RIMS2: variants seen among roughly 807,000 people sequenced by gnomAD.
The protein encoded by RIMS2 is regulating synaptic membrane exocytosis 2, also known as regulating synaptic membrane exocytosis protein 2.
A neutral mutation model predicts 174.4 loss-of-function variants in RIMS2; 59 were observed. The ratio of observed to expected loss-of-function variants is 0.34; its 90% CI spans 0.27 to 0.42. RIMS2 has a LOEUF of 0.42. Ranked by LOEUF, RIMS2 falls within the 10% of genes least tolerant of loss-of-function variation. The pLI, the probability that RIMS2 is intolerant of heterozygous loss-of-function variation, is 1.00. For synonymous variants in RIMS2, 606 were observed against 572.5 expected, an observed-to-expected ratio of 1.06 and a Z score of -0.84; for missense variants, 1,620 against 1,666.3, an observed-to-expected ratio of 0.97 and a Z score of 0.48.
intron 3 of RIMS2, among the ~76,000 whole-genome samples, chr8:103,844,835 T>G (rs2098959390): frequency 6.6e-6 from 1 of 152,040 alleles, no homozygotes; most frequent in African/African-American, 2.4e-5. Context: ...CCCTATTACC[T>G]TTTTCTTCTA....
intron 2 of RIMS2, among the ~76,000 whole-genome samples, chr8:103,763,180 G>A (rs1025476365): frequency 6.6e-6 from 1 of 152,290 alleles, no homozygotes; most frequent in East Asian, 1.9e-4. Context: ...GCTCACATCT[G>A]TAATCCTAGC....
At chr8:103,523,988 A>C (rs1388218144) in intron 1 of RIMS2, among the ~76,000 whole-genome samples, 1 of 152,188 alleles carries the variant, frequency 6.6e-6, no homozygotes, top group African/African-American at 2.4e-5. Flanking sequence ...TGCTACCCAA[A>C]AAATGAATTG....
chr8:104,131,082 A>G (rs1250445879), intron 19 of RIMS2, among the ~76,000 whole-genome samples: 3 of 152,238 alleles, frequency 2.0e-5, no homozygotes, highest in African/African-American at 7.2e-5. Flanking sequence ...AATTTTACCT[A>G]TAAAATATTA....
chr8:103,950,482 T>C (rs1212855751), intron 14 of RIMS2, among the ~76,000 whole-genome samples: 1 of 151,926 alleles, frequency 6.6e-6, no homozygotes, highest in Non-Finnish European at 1.5e-5. Flanking sequence ...TGTTTAACAT[T>C]TGAAAAACAG....
chr8:103,783,899 C>T (rs1161411461), intron 3 of RIMS2, among the ~76,000 whole-genome samples: 5 of 152,048 alleles, frequency 3.3e-5, no homozygotes, highest in South Asian at 2.1e-4. Context: ...GTAAAAGTGT[C>T]CCTATTTCTC....
chr8:104,225,096 T>A (rs975193326), intron 19 of RIMS2, among the ~76,000 whole-genome samples: 3 of 152,244 alleles, frequency 2.0e-5, no homozygotes, highest in Admixed American at 2.0e-4. Context: ...AAATGAATGA[T>A]CATAATTGTA....
intron 4 of RIMS2, among the ~76,000 whole-genome samples, chr8:103,894,645 G>C (rs1358782193): frequency 6.6e-6 from 1 of 151,422 alleles, no homozygotes; most frequent in Admixed American, 6.6e-5. Context: ...TTCAATGATA[G>C]GAAACACTAA....
At chr8:104,209,973 A>G (rs1369789599) in intron 19 of RIMS2, among the ~76,000 whole-genome samples, 1 of 152,200 alleles carries the variant, frequency 6.6e-6, no homozygotes, top group East Asian at 1.9e-4. Flanking sequence ...GCTTGCAATC[A>G]CTACGTATTT....
chr8:103,783,360 G>C (rs1164503762), intron 3 of RIMS2, among the ~76,000 whole-genome samples: 1 of 149,454 alleles, frequency 6.7e-6, no homozygotes, highest in Non-Finnish European at 1.5e-5. Context: ...ATGCTGGTGC[G>C]CTGCACCCAC....
At chr8:103,886,412 C>T (rs2099201908) in intron 4 of RIMS2, among the ~76,000 whole-genome samples, 189 bp downstream of exon 7, 2 of 151,728 alleles carry the variant, frequency 1.3e-5, no homozygotes, top group East Asian at 1.9e-4. Context: ...TGTATAAGAA[C>T]GACAGAATGA....
exon 14 of RIMS2, chr8:103,942,818 T>C: frequency 6.2e-7 from 1 of 1,612,918 alleles, no homozygotes; most frequent in East Asian, 2.2e-5. Flanking sequence ...TGAGCCACAT[T>C]GGTACAAACT....
At chr8:103,547,609 CAA>C (rs990024266) in intron 1 of RIMS2, among the ~76,000 whole-genome samples, 18 of 152,010 alleles carry the variant, frequency 1.2e-4, no homozygotes, top group Middle Eastern at 3.4e-3. Flanking sequence ...ACTAGAGAAA[CAA>C]GAGCAAACCA....
intron 2 of RIMS2, among the ~76,000 whole-genome samples, chr8:103,715,629 T>C (rs899864443): frequency 6.6e-6 from 1 of 152,204 alleles, no homozygotes; most frequent in African/African-American, 2.4e-5. Flanking sequence ...GGAGTTTACT[T>C]TGTAGTGTAT....
chr8:103,987,519 C>T (rs1419948357), intron 16 of RIMS2, among the ~76,000 whole-genome samples: 1 of 151,982 alleles, frequency 6.6e-6, no homozygotes, highest in Non-Finnish European at 1.5e-5. Context: ...CTTAATAAAG[C>T]AAGCATTATA....
intron 12 of RIMS2, among the ~76,000 whole-genome samples, chr8:103,931,891 TACC>T (rs2080034886): frequency 6.6e-6 from 1 of 152,138 alleles, no homozygotes; most frequent in Non-Finnish European, 1.5e-5. Context: ...CAAGAAAACT[TACC>T]ACAAGTCCCA....
chr8:103,808,814 A>T (rs1413119681), intron 3 of RIMS2, among the ~76,000 whole-genome samples: 1 of 152,026 alleles, frequency 6.6e-6, no homozygotes, highest in Non-Finnish European at 1.5e-5. Context: ...GGCCAACTAA[A>T]ATCTTGCCTG....
At chr8:103,859,204 A>G (rs1290847993) in intron 3 of RIMS2, among the ~76,000 whole-genome samples, 3 of 152,174 alleles carry the variant, frequency 2.0e-5, no homozygotes, top group African/African-American at 7.2e-5. Flanking sequence ...CTAAAAGGAA[A>G]GAAACTGACA....
intron 19 of RIMS2, chr8:104,094,423 C>T: frequency 1.7e-6 from 1 of 587,428 alleles, no homozygotes; most frequent in Non-Finnish European, 3.0e-6. Flanking sequence ...TTTTTCTTGA[C>T]TTTCTTTTTT....
At chr8:103,581,459 T>A (rs2093615117) in intron 1 of RIMS2, among the ~76,000 whole-genome samples, 1 of 152,168 alleles carries the variant, frequency 6.6e-6, no homozygotes, top group South Asian at 2.1e-4. Context: ...ACACTGAATG[T>A]AGAAGGAACA....
Sources: gnomAD v4.1 joint callset for allele counts (sites outside exome capture counted in the v4.1 genomes callset) on GRCh38, gnomAD v4.1.1 for gene constraint, MANE v1.5 for transcripts, NCBI Gene and HGNC (gene_info 2026-07-23, HGNC 2026-07-21) for gene names.